Variants in ERBB4 observed in about 807,000 individuals in gnomAD.
ERBB4 encodes receptor tyrosine-protein kinase erbB-4.
A neutral mutation model predicts 158.0 loss-of-function variants in ERBB4; 42 were observed. The observed-to-expected ratio is 0.27, with a 90% confidence interval of 0.21 to 0.34. The LOEUF (loss-of-function observed/expected upper bound fraction) is 0.34. Among genes scored for constraint, ERBB4 ranks in the 10% least tolerant of loss-of-function variants. The pLI, the probability that ERBB4 is intolerant of heterozygous loss-of-function variation, is 1.00. For missense variants in ERBB4, 1,333 were observed against 1,624.1 expected, an observed-to-expected ratio of 0.82 and a Z score of 3.08; for synonymous variants, 583 against 558.7, an observed-to-expected ratio of 1.04 and a Z score of -0.61.
At chr2:212,443,165 T>C (rs2092287363) in intron 1 of ERBB4, among the ~76,000 whole-genome samples, 1 of 152,342 alleles carries the variant, frequency 6.6e-6, no homozygotes, top group Non-Finnish European at 1.5e-5. Flanking sequence ...AATGTACCTT[T>C]ACTGTCCTAC....
intron 2 of ERBB4, among the ~76,000 whole-genome samples, chr2:212,079,890 C>T (rs1160998029): frequency 6.6e-6 from 1 of 152,038 alleles, no homozygotes; most frequent in Non-Finnish European, 1.5e-5. Context: ...AAGCTAATTA[C>T]AACCCAATAT....
chr2:212,480,658 C>A (rs1160496091), intron 1 of ERBB4, among the ~76,000 whole-genome samples: 2 of 152,140 alleles, frequency 1.3e-5, no homozygotes, highest in African/African-American at 2.4e-5. Context: ...GACACCGCAG[C>A]AAGGCAAACA....
At chr2:211,597,322 G>T (rs184194639) in intron 19 of ERBB4, among the ~76,000 whole-genome samples, 2 of 152,228 alleles carry the variant, frequency 1.3e-5, no homozygotes, top group East Asian at 3.9e-4. Flanking sequence ...AAACATCACT[G>T]AACTTAACCA....
At chr2:211,411,321 G>C (rs781270138) in intron 25 of ERBB4, among the ~76,000 whole-genome samples, 1 of 152,152 alleles carries the variant, frequency 6.6e-6, no homozygotes, top group Non-Finnish European at 1.5e-5. Flanking sequence ...AAGGTCCCTT[G>C]ATATTTTTGT....
chr2:212,369,291 C>T (rs575016432), intron 1 of ERBB4, among the ~76,000 whole-genome samples: 1 of 152,126 alleles, frequency 6.6e-6, no homozygotes, highest in Non-Finnish European at 1.5e-5. Context: ...CAACAGAATG[C>T]TACATGTTCC....
chr2:212,076,430 T>C (rs959937323), intron 2 of ERBB4, among the ~76,000 whole-genome samples: 1 of 151,950 alleles, frequency 6.6e-6, no homozygotes, highest in Non-Finnish European at 1.5e-5. Context: ...ACAGTATTCA[T>C]TAAGTGCCTA....
intron 1 of ERBB4, among the ~76,000 whole-genome samples, chr2:212,181,092 T>G (rs2125690457): frequency 6.6e-6 from 1 of 151,784 alleles, no homozygotes; most frequent in East Asian, 1.9e-4. Context: ...AACAACTTGC[T>G]TAAGGTCATG....
chr2:212,513,791 G>A (rs1398192661), intron 1 of ERBB4, among the ~76,000 whole-genome samples: 1 of 149,852 alleles, frequency 6.7e-6, no homozygotes, highest in Non-Finnish European at 1.5e-5. Flanking sequence ...CAGCCTGGGC[G>A]ACACGGCGAG....
intron 2 of ERBB4, among the ~76,000 whole-genome samples, chr2:212,102,647 G>GT (rs1264064928): frequency 2.0e-5 from 3 of 152,034 alleles, no homozygotes; most frequent in African/African-American, 7.2e-5. Flanking sequence ...GTTAAATATC[G>GT]TAAGTAATAA....
At chr2:211,771,356 G>C (rs557614642) in intron 4 of ERBB4, among the ~76,000 whole-genome samples, 1 of 152,292 alleles carries the variant, frequency 6.6e-6, no homozygotes, top group African/African-American at 2.4e-5. Context: ...AGGTTCATCA[G>C]TGGAAACTGA....
At chr2:211,389,755 C>T (rs544277628) in intron 25 of ERBB4, among the ~76,000 whole-genome samples, 30 of 152,160 alleles carry the variant, frequency 2.0e-4, no homozygotes, top group South Asian at 4.1e-4. Context: ...CTCTCAGACC[C>T]TCATTTTCAT....
intron 25 of ERBB4, among the ~76,000 whole-genome samples, chr2:211,400,804 G>A (rs142687342): frequency 6.6e-6 from 1 of 152,000 alleles, no homozygotes; most frequent in African/African-American, 2.4e-5. Context: ...GTAACACAAA[G>A]GACAAATGTT....
intron 2 of ERBB4, among the ~76,000 whole-genome samples, chr2:212,093,124 C>T (rs1170921571): frequency 6.6e-6 from 1 of 152,060 alleles, no homozygotes; most frequent in Non-Finnish European, 1.5e-5. Flanking sequence ...TTTTTCTATT[C>T]CAGAAAGCAG....
intron 5 of ERBB4, among the ~76,000 whole-genome samples, chr2:211,744,184 A>G (rs2074888110): frequency 6.6e-6 from 1 of 152,234 alleles, no homozygotes; most frequent in Non-Finnish European, 1.5e-5. Context: ...CCTGAACATA[A>G]TTAAATGCTA....
intron 6 of ERBB4, among the ~76,000 whole-genome samples, chr2:211,723,587 C>T (rs1305319982): frequency 6.6e-6 from 1 of 152,004 alleles, no homozygotes; most frequent in Non-Finnish European, 1.5e-5. Flanking sequence ...CTACTAGATG[C>T]ATAATCAGAA....
intron 3 of ERBB4, among the ~76,000 whole-genome samples, chr2:211,934,725 C>A (rs2080265963): frequency 6.6e-6 from 1 of 151,742 alleles, no homozygotes; most frequent in African/African-American, 2.4e-5. Flanking sequence ...GAAGTCCGTG[C>A]CCAATTAGGG....
intron 3 of ERBB4, among the ~76,000 whole-genome samples, chr2:211,801,632 T>C (rs2076500507): frequency 6.6e-6 from 1 of 152,112 alleles, no homozygotes. Flanking sequence ...AAAGATATAA[T>C]TATCTTTAAA....
In ERBB4 at chr2:211,383,712, A is replaced by G. The variant is rs1277658518; in HGVS notation, c.3830T>C (p.Ile1277Thr). ...GAGGTATTCAGGATTCTCTGCCACA[A>G]TAGGCCGGATCCGCCCATTCTGTTT... The part of the protein sequence containing the change: ...FYKQNGRIRP[I>T]VAENPEYLSE... The change falls in exon 28 of 28, where the codon ATT becomes ACT. Residue 1277 changes from isoleucine (I) to threonine (T), a missense_variant. Ile to Thr is a moderately conservative substitution (Grantham distance 89). This residue lies in a region of ERBB4 where 84 missense variants were observed against 110.8 expected (regional missense o/e 0.76). Coordinates refer to ENST00000342788, the MANE Select transcript of ERBB4 (RefSeq NM_005235.3). 2 of 1,613,924 alleles carry G rather than the reference A, an allele frequency of 1.2e-6. No individual in the cohort carries two copies. The highest frequency in any genetic ancestry group is 1.7e-5 in the Admixed American group (1 of 59,978).
chr2:212,497,847 A>G (rs1690664534), intron 1 of ERBB4, among the ~76,000 whole-genome samples: 1 of 152,224 alleles, frequency 6.6e-6, no homozygotes, highest in African/African-American at 2.4e-5. Context: ...CTTTTCCTGC[A>G]TAAAGAGTAA....
Sources: gnomAD v4.1 joint callset for allele counts (sites outside exome capture counted in the v4.1 genomes callset) on GRCh38, gnomAD v4.1.1 for gene constraint, gnomAD v4.1.1 regional missense constraint, MANE v1.5 for transcripts, NCBI Gene and HGNC (gene_info 2026-07-23, HGNC 2026-07-21) for gene names.